Variants in CDH12 observed in about 807,000 individuals in gnomAD.
CDH12 encodes the protein cadherin-12.
A neutral mutation model predicts 74.1 loss-of-function variants in CDH12; 41 were observed. That is an observed-to-expected ratio of 0.55 (90% CI 0.43 to 0.72). The LOEUF is 0.72. Ranked by LOEUF, CDH12 falls within the 30% of genes least tolerant of loss-of-function variation. The pLI, the probability that CDH12 is intolerant of heterozygous loss-of-function variation, is 0.00. For synonymous variants in CDH12, 399 were observed against 355.0 expected (o/e 1.12, Z -1.39); for missense variants, 945 against 977.2 (o/e 0.97, Z 0.44).
At chr5:22,258,317 G>C (rs1753391375) in intron 3 of CDH12, among the ~76,000 whole-genome samples, 1 of 152,034 alleles carries the variant, frequency 6.6e-6, no homozygotes, top group Admixed American at 6.6e-5. Flanking sequence ...AAGACAAAAG[G>C]CTGGTAGAGA....
chr5:22,116,161 C>G (rs1484938975), intron 4 of CDH12, among the ~76,000 whole-genome samples: 2 of 152,114 alleles, frequency 1.3e-5, no homozygotes, highest in African/African-American at 2.4e-5. Context: ...CTTAAGAAAG[C>G]AGAGCTTCCT....
intron 3 of CDH12, among the ~76,000 whole-genome samples, chr5:22,322,529 A>G (rs1014625897): frequency 6.6e-6 from 1 of 152,124 alleles, no homozygotes; most frequent in Non-Finnish European, 1.5e-5. Context: ...ATAAATTTAA[A>G]TTGATGATGA....
chr5:21,968,350 G>A (rs1756679938), intron 6 of CDH12, among the ~76,000 whole-genome samples: 1 of 152,174 alleles, frequency 6.6e-6, no homozygotes, highest in African/African-American at 2.4e-5. Flanking sequence ...GAAAATCAAT[G>A]TAAAAGAGGA....
chr5:22,408,577 A>G (rs1407168255), intron 2 of CDH12, among the ~76,000 whole-genome samples: 1 of 150,106 alleles, frequency 6.7e-6, no homozygotes, highest in Non-Finnish European at 1.5e-5. Flanking sequence ...ATATATGCAT[A>G]TTATTATATA....
intron 9 of CDH12, among the ~76,000 whole-genome samples, chr5:21,810,157 T>C (rs1211401051): frequency 6.6e-6 from 1 of 152,036 alleles, no homozygotes; most frequent in Admixed American, 6.6e-5. Context: ...GAAAATGCAC[T>C]CTTTGATCTT....
intron 1 of CDH12, among the ~76,000 whole-genome samples, chr5:22,538,402 G>A (rs1413558658): frequency 6.6e-6 from 1 of 152,002 alleles, no homozygotes; most frequent in Admixed American, 6.6e-5. Flanking sequence ...TACCTATAAG[G>A]CCAGATTTCT....
At chr5:22,584,545 A>T (rs910307705) in intron 1 of CDH12, among the ~76,000 whole-genome samples, 1 of 152,002 alleles carries the variant, frequency 6.6e-6, no homozygotes, top group African/African-American at 2.4e-5. Flanking sequence ...GTTGTTTTGA[A>T]TTTTTTTGTG....
chr5:22,416,731 G>GT (rs1554039060), intron 2 of CDH12, among the ~76,000 whole-genome samples: 1 of 152,144 alleles, frequency 6.6e-6, no homozygotes, highest in Non-Finnish European at 1.5e-5. Context: ...AAAAGGAATT[G>GT]TAAGTGTGGT....
chr5:21,760,316 CTT>C lies in CDH12; in HGVS notation c.1633+240_1633+241del, dbSNP rs1333735974. On this transcript the variant is annotated intron_variant, in intron 13 of 14. Coordinates refer to ENST00000382254, the MANE Select transcript of CDH12 (RefSeq NM_004061.5). ...GAAAGCATTCAATTTCTCAGAGAGT[CTT>C]TTATTTGCTTGACTCATTGAGAGAC... Among the ~76,000 whole-genome samples, 2 of 152,188 alleles carry C rather than the reference CTT, an allele frequency of 1.3e-5. 1 individual carries two copies. The highest frequency in any genetic ancestry group is 4.1e-4 in the South Asian group (2 of 4,830).
intron 4 of CDH12, among the ~76,000 whole-genome samples, chr5:22,115,878 G>C (rs748180018): frequency 6.6e-6 from 1 of 151,884 alleles, no homozygotes; most frequent in African/African-American, 2.4e-5. Context: ...TTTTAGTGGA[G>C]TCGGGGTTTC....
chr5:21,904,554 A>G (rs1753549486), intron 6 of CDH12, among the ~76,000 whole-genome samples: 2 of 152,228 alleles, frequency 1.3e-5, no homozygotes, highest in African/African-American at 2.4e-5. Flanking sequence ...GGATCACTTG[A>G]GGCCAGGAGT....
At chr5:22,773,695 GAATA>G (rs1204152667) in intron 1 of CDH12, among the ~76,000 whole-genome samples, 1 of 151,942 alleles carries the variant, frequency 6.6e-6, no homozygotes. Flanking sequence ...ATTATCAACA[GAATA>G]AATAGACAAC....
chr5:21,801,539 T>C (rs763790376), intron 10 of CDH12, among the ~76,000 whole-genome samples: 20 of 152,124 alleles, frequency 1.3e-4, no homozygotes, highest in Non-Finnish European at 2.5e-4. Context: ...CTAGTGGACT[T>C]TATGTGTTGA....
chr5:21,924,146 A>G (rs529880399), intron 6 of CDH12, among the ~76,000 whole-genome samples: 1 of 152,330 alleles, frequency 6.6e-6, no homozygotes, highest in East Asian at 1.9e-4. Flanking sequence ...AGTTATAATT[A>G]TAGCAACCAT....
At chr5:22,250,628 T>A (rs1405916330) in intron 3 of CDH12, among the ~76,000 whole-genome samples, 1 of 152,222 alleles carries the variant, frequency 6.6e-6, no homozygotes, top group Admixed American at 6.5e-5. Flanking sequence ...TAAAAGCATG[T>A]AGGAAATAAT....
intron 1 of CDH12, among the ~76,000 whole-genome samples, chr5:22,695,941 AC>A (rs1345293114): frequency 6.6e-6 from 1 of 152,184 alleles, no homozygotes; most frequent in African/African-American, 2.4e-5. Context: ...CATTTTATGA[AC>A]ACTCATTTTT....
At chr5:21,984,552 A>G (rs1004039238) in intron 5 of CDH12, among the ~76,000 whole-genome samples, 5 of 152,256 alleles carry the variant, frequency 3.3e-5, no homozygotes, top group East Asian at 1.9e-4. Context: ...ACAGTCACCA[A>G]TCTTTCACCT....
In CDH12 at chr5:22,684,807, CT is replaced by C. The variant is rs549222033; in HGVS notation, c.-523+168250del. Among the ~76,000 whole-genome samples the C allele has an allele frequency of 1.6e-4, 25 of 152,286 alleles. 1 individual carries two copies. In the South Asian group the frequency reaches 5.2e-3, roughly 32 times the overall value. On this transcript the variant is annotated intron_variant, in intron 1 of 14. Transcript: ENST00000382254. ...CACTTGTGCATATACACACAGATCA[CT>C]TGAGTCAATGGTTTTTATTCTTCAA...
intron 9 of CDH12, among the ~76,000 whole-genome samples, 173 bp from the exon 10 acceptor site, chr5:21,802,593 CTTTTTTTT>C (rs35742047): frequency 8.3e-6 from 1 of 120,194 alleles, no homozygotes; most frequent in Non-Finnish European, 1.6e-5. Context: ...ATTTTTTTTT[CTTTTTTTT>C]TTTTTTTTGA....
Sources: allele counts gnomAD v4.1 joint callset (sites outside exome capture counted in the v4.1 genomes callset), GRCh38; gene constraint gnomAD v4.1.1; transcripts MANE v1.5; gene names NCBI Gene and HGNC (gene_info 2026-07-23, HGNC 2026-07-21).